The following SUMF1 variants were observed in gnomAD, a reference collection of about 807,000 sequenced individuals.
SUMF1 encodes the protein sulfatase modifying factor 1.
In SUMF1, 48 loss-of-function variants were observed where a neutral mutation model predicts 47.6. The ratio of observed to expected loss-of-function variants is 1.01; its 90% CI spans 0.80 to 1.28. The LOEUF (loss-of-function observed/expected upper bound fraction) is 1.28, where lower values mean the gene tolerates loss of function less well. Among genes scored for constraint, SUMF1 ranks in the 50% most tolerant of loss-of-function variants. The pLI is 0.00. For missense variants in SUMF1, 571 were observed against 485.4 expected (o/e 1.18, Z -1.66); for synonymous variants, 230 against 192.1 (o/e 1.20, Z -1.63).
chr3:4,047,636 T>A (rs2125021217), intron 9 of SUMF1, among the ~76,000 whole-genome samples: 1 of 152,166 alleles, frequency 6.6e-6, no homozygotes, highest in Middle Eastern at 3.4e-3. Flanking sequence ...ATTCCAGCCA[T>A]ACTAAGGAGA....
At chr3:4,084,363 C>G (rs889082596) in intron 8 of SUMF1, among the ~76,000 whole-genome samples, 8 of 152,138 alleles carry the variant, frequency 5.3e-5, no homozygotes, top group Admixed American at 2.0e-4. Flanking sequence ...ATGTCAATAA[C>G]AAGTACAGCT....
chr3:4,233,116 C>T (rs570941403), intron 8 of SUMF1, among the ~76,000 whole-genome samples: 1 of 152,262 alleles, frequency 6.6e-6, no homozygotes, highest in East Asian at 1.9e-4. Context: ...CTTAGGAAGC[C>T]TCATCCTCAG....
chr3:4,331,694 G>A (rs554546875), intron 8 of SUMF1, among the ~76,000 whole-genome samples: 1 of 152,204 alleles, frequency 6.6e-6, no homozygotes, highest in Non-Finnish European at 1.5e-5. Context: ...GCTTGGCGTG[G>A]TGGCACACAC....
intron 8 of SUMF1, among the ~76,000 whole-genome samples, chr3:4,265,136 CAAAAA>C (rs71043507): frequency 5.4e-5 from 4 of 73,412 alleles, no homozygotes; most frequent in Admixed American, 3.5e-4. Context: ...GACTCCATCT[CAAAAA>C]AAAAAAAAAA....
At chr3:4,437,993 T>C (rs1247372321) in intron 3 of SUMF1, among the ~76,000 whole-genome samples, 1 of 151,668 alleles carries the variant, frequency 6.6e-6, no homozygotes, top group East Asian at 1.9e-4. Flanking sequence ...AAAAAGTATA[T>C]ATTAGACAAA....
At chr3:4,284,474 A>G (rs35835701) in intron 8 of SUMF1, among the ~76,000 whole-genome samples, 8,910 of 118,666 alleles carry the variant, frequency 0.075, 767 homozygotes, top group Admixed American at 0.11. Flanking sequence ...GGAGGAGGAG[A>G]AGGAGGAGGA....
At chr3:4,392,621 A>G (rs915398766) in intron 7 of SUMF1, among the ~76,000 whole-genome samples, 968 of 71,504 alleles carry the variant, frequency 0.014, 9 homozygotes, top group African/African-American at 0.041. Flanking sequence ...GTGTGTATAT[A>G]TATATATATA....
intron 8 of SUMF1, among the ~76,000 whole-genome samples, chr3:4,222,009 T>G (rs537771373): frequency 2.0e-5 from 3 of 152,112 alleles, no homozygotes; most frequent in Admixed American, 1.3e-4. Context: ...GTAAAAAAAT[T>G]TATGCTTTTG....
At chr3:4,355,112 T>C (rs1442689112) in intron 8 of SUMF1, among the ~76,000 whole-genome samples, 1 of 152,150 alleles carries the variant, frequency 6.6e-6, no homozygotes, top group Non-Finnish European at 1.5e-5. Context: ...CATTTTGGGA[T>C]GCTGAGGCAA....
chr3:4,397,988 G>T (rs1296230253), intron 7 of SUMF1, among the ~76,000 whole-genome samples: 1 of 151,994 alleles, frequency 6.6e-6, no homozygotes, highest in East Asian at 1.9e-4. Flanking sequence ...CCCATAAAGG[G>T]TATTACTATT....
At chr3:4,110,479 C>A (rs2125069070) in intron 8 of SUMF1, among the ~76,000 whole-genome samples, 1 of 152,150 alleles carries the variant, frequency 6.6e-6, no homozygotes, top group Non-Finnish European at 1.5e-5. Flanking sequence ...TTGACCCAGC[C>A]ATCCCATTAC....
At chr3:4,443,460 A>C (rs1256409597) in intron 3 of SUMF1, among the ~76,000 whole-genome samples, 2 of 151,584 alleles carry the variant, frequency 1.3e-5, no homozygotes, top group African/African-American at 4.8e-5. Flanking sequence ...AAAGAGAAGA[A>C]AAAATTAAAA....
intron 8 of SUMF1, among the ~76,000 whole-genome samples, chr3:4,079,818 T>C (rs1044413601): frequency 1.3e-5 from 2 of 151,292 alleles, no homozygotes; most frequent in African/African-American, 2.4e-5. Flanking sequence ...TCTGATCTAG[T>C]CCTATCTTTT....
chr3:4,142,259 G>C (rs1694087975), intron 8 of SUMF1, among the ~76,000 whole-genome samples: 1 of 152,102 alleles, frequency 6.6e-6, no homozygotes, highest in Non-Finnish European at 1.5e-5. Flanking sequence ...TTATCAGCTA[G>C]GTTTCTGAAT....
At chr3:4,443,271 T>C (rs527864847) in intron 3 of SUMF1, among the ~76,000 whole-genome samples, 1 of 151,906 alleles carries the variant, frequency 6.6e-6, no homozygotes, top group Non-Finnish European at 1.5e-5. Flanking sequence ...AGCCAGACTC[T>C]GTCTCAAAAA....
chr3:4,244,731 G>A (rs576883854), intron 8 of SUMF1, among the ~76,000 whole-genome samples: 1 of 152,124 alleles, frequency 6.6e-6, no homozygotes, highest in South Asian at 2.1e-4. Flanking sequence ...ACAATTATGT[G>A]TCTTCAGGTT....
At chr3:4,120,820 C>T (rs918911688) in intron 8 of SUMF1, among the ~76,000 whole-genome samples, 1 of 152,154 alleles carries the variant, frequency 6.6e-6, no homozygotes. Context: ...GTATTAAATG[C>T]ACCTGAAGTC....
rs2125025773 is a variant in SUMF1 at position 4,056,940 on chromosome 3, G to T, written c.1191+11629C>A. On this transcript the variant is annotated intron_variant and NMD_transcript_variant, in intron 9 of 12. Transcript: ENST00000448413. ...GTATTTTAAGTTAAGCAGAGACGGGGTTTCACCATGTTAGCCAGGATGGTC... is the reference window on the plus strand; with the variant it reads ...GTATTTTAAGTTAAGCAGAGACGGGTTTTCACCATGTTAGCCAGGATGGTC... Among the ~76,000 whole-genome samples the T allele has an allele frequency of 2.0e-5, 3 of 151,810 alleles. No homozygotes were observed. In the East Asian group the frequency reaches 5.8e-4, roughly 29 times the overall value.
intron 7 of SUMF1, among the ~76,000 whole-genome samples, chr3:4,405,833 A>T (rs546506883): frequency 2.6e-4 from 40 of 152,320 alleles, no homozygotes; most frequent in African/African-American, 9.6e-4. Flanking sequence ...AAAATGTGGT[A>T]AGTAGCAGAG....
Sources: gnomAD v4.1 joint callset for allele counts (sites outside exome capture counted in the v4.1 genomes callset) on GRCh38, gnomAD v4.1.1 for gene constraint, MANE v1.5 for transcripts, NCBI Gene and HGNC (gene_info 2026-07-23, HGNC 2026-07-21) for gene names.